The following CDH12 variants were observed in gnomAD, a reference collection of about 807,000 sequenced individuals.
CDH12 encodes the protein cadherin-12.
Under a neutral mutation model 74.1 loss-of-function variants are expected in CDH12, and 41 were observed. The observed-to-expected ratio is 0.55, with a 90% CI of 0.43 to 0.72. The LOEUF is 0.72. Among genes scored for constraint, CDH12 ranks in the 30% least tolerant of loss-of-function variants. The pLI, the probability that CDH12 is intolerant of heterozygous loss-of-function variation, is 0.00. For synonymous variants in CDH12, 399 were observed against 355.0 expected, an observed-to-expected ratio of 1.12 and a Z score of -1.39; for missense variants, 945 against 977.2, an observed-to-expected ratio of 0.97 and a Z score of 0.44.
chr5:22,780,947 A>G (rs1287995397), intron 1 of CDH12, among the ~76,000 whole-genome samples: 1 of 152,180 alleles, frequency 6.6e-6, no homozygotes, highest in African/African-American at 2.4e-5. Flanking sequence ...CTGACACAAT[A>G]GGAGTACTGG....
At chr5:21,863,371 C>T (rs542869887) in intron 6 of CDH12, among the ~76,000 whole-genome samples, 3 of 152,214 alleles carry the variant, frequency 2.0e-5, no homozygotes, top group Non-Finnish European at 4.4e-5. Context: ...TTGTTCACTC[C>T]TCTATAATCT....
At position 22,045,825 on chromosome 5, in the gene CDH12, T is replaced by G. The variant is rs75029263; in HGVS notation, c.231+32621A>C. On this transcript the variant is annotated intron_variant, in intron 5 of 14. Coordinates refer to ENST00000382254, the MANE Select transcript of CDH12 (RefSeq NM_004061.5). Reference sequence around the variant, plus strand: ...TAGGAGTGGTGGAGGACAGGTTGTTTAACAGTTACAAATTTACAGTTAAGA... The same window carrying G: ...TAGGAGTGGTGGAGGACAGGTTGTTGAACAGTTACAAATTTACAGTTAAGA... 8.1e-3 allele frequency among the ~76,000 whole-genome samples: 1,229 copies of G among 152,234 alleles called. 18 individuals carry two copies. Among genetic ancestry groups the G allele is most frequent in the African/African-American group, 0.028 (1,182 of 41,554 alleles).
intron 3 of CDH12, among the ~76,000 whole-genome samples, chr5:22,243,681 G>C (rs1752823535): frequency 6.6e-6 from 1 of 152,122 alleles, no homozygotes; most frequent in South Asian, 2.1e-4. Context: ...TTGACAAATG[G>C]TAAAGTGCAT....
At chr5:22,257,307 T>C (rs1279780020) in intron 3 of CDH12, among the ~76,000 whole-genome samples, 1 of 152,048 alleles carries the variant, frequency 6.6e-6, no homozygotes, top group East Asian at 1.9e-4. Context: ...CCTGCACTTG[T>C]ATCCCTGAAC....
chr5:22,238,998 G>C (rs1191459751), intron 3 of CDH12, among the ~76,000 whole-genome samples: 1 of 152,182 alleles, frequency 6.6e-6, no homozygotes, highest in African/African-American at 2.4e-5. Flanking sequence ...TCTTTAGAGA[G>C]TATCATTCAG....
At chr5:22,579,858 G>T (rs1561504887) in intron 1 of CDH12, among the ~76,000 whole-genome samples, 1 of 152,080 alleles carries the variant, frequency 6.6e-6, no homozygotes, top group Non-Finnish European at 1.5e-5. Flanking sequence ...CCTCAAAATA[G>T]TTTTAGCACA....
chr5:22,336,559 A>C (rs1739590695), intron 3 of CDH12, among the ~76,000 whole-genome samples: 1 of 152,218 alleles, frequency 6.6e-6, no homozygotes. Flanking sequence ...AGCTGTGATC[A>C]AAAGTGGCCA....
At chr5:21,846,411 A>T (rs541243673) in intron 7 of CDH12, among the ~76,000 whole-genome samples, 6 of 92,818 alleles carry the variant, frequency 6.5e-5, no homozygotes, top group African/African-American at 1.8e-4. Context: ...TCAGCATGGG[A>T]AAAGGAACCT....
chr5:22,357,648 A>G (rs893959020), intron 3 of CDH12, among the ~76,000 whole-genome samples: 2 of 152,166 alleles, frequency 1.3e-5, no homozygotes, highest in African/African-American at 4.8e-5. Flanking sequence ...AAAGTTCTCT[A>G]TTCCCAAGGG....
chr5:22,570,894 C>G (rs1739510281), intron 1 of CDH12, among the ~76,000 whole-genome samples: 1 of 152,194 alleles, frequency 6.6e-6, no homozygotes, highest in Non-Finnish European at 1.5e-5. Context: ...CATCAATTAT[C>G]TTGCTGTATC....
intron 1 of CDH12, among the ~76,000 whole-genome samples, chr5:22,717,093 A>C (rs1297853678): frequency 6.6e-6 from 1 of 152,126 alleles, no homozygotes; most frequent in African/African-American, 2.4e-5. Flanking sequence ...TGATAAATTT[A>C]GTGTAGCCCA....
chr5:22,441,086 C>T (rs1744605525), intron 2 of CDH12, among the ~76,000 whole-genome samples: 1 of 152,154 alleles, frequency 6.6e-6, no homozygotes, highest in Non-Finnish European at 1.5e-5. Flanking sequence ...TTTCTATATA[C>T]AGAGGGCCTA....
At chr5:22,076,395 AT>A (rs1414323272) in intron 5 of CDH12, among the ~76,000 whole-genome samples, 2 of 152,204 alleles carry the variant, frequency 1.3e-5, no homozygotes, top group African/African-American at 2.4e-5. Flanking sequence ...TGTCAGTTTT[AT>A]TTTTTTAACC....
At chr5:22,835,285 A>C (rs985183865) in intron 1 of CDH12, among the ~76,000 whole-genome samples, 1 of 152,136 alleles carries the variant, frequency 6.6e-6, no homozygotes, top group Non-Finnish European at 1.5e-5. Flanking sequence ...ATTTGCAAAA[A>C]TATTCTGGAA....
chr5:22,477,891 A>C (rs1388700238), intron 2 of CDH12, among the ~76,000 whole-genome samples: 1 of 152,212 alleles, frequency 6.6e-6, no homozygotes, highest in East Asian at 1.9e-4. Context: ...TACTCTGGTG[A>C]AGAAACTTAG....
chr5:22,482,049 T>A (rs1580693896), intron 2 of CDH12, among the ~76,000 whole-genome samples: 1 of 152,158 alleles, frequency 6.6e-6, no homozygotes, highest in East Asian at 1.9e-4. Context: ...AGAAAGAAAA[T>A]CAATGAAGTC....
At chr5:22,043,000 C>G (rs1298161138) in intron 5 of CDH12, among the ~76,000 whole-genome samples, 1 of 151,494 alleles carries the variant, frequency 6.6e-6, no homozygotes, top group African/African-American at 2.4e-5. Context: ...AAGTTTTTCA[C>G]TGGTGAAATC....
intron 6 of CDH12, among the ~76,000 whole-genome samples, chr5:21,938,413 A>G (rs1289581721): frequency 6.6e-6 from 1 of 150,994 alleles, no homozygotes; most frequent in Non-Finnish European, 1.5e-5. Flanking sequence ...ACATAACAAT[A>G]AAACCACAGC....
intron 6 of CDH12, chr5:21,882,549 G>C (rs1472485666): frequency 3.3e-6 from 4 of 1,216,226 alleles, no homozygotes; most frequent in African/African-American, 1.5e-5. Context: ...CCGACAACCT[G>C]TCTCGCCGCG....
Sources: allele counts gnomAD v4.1 joint callset (sites outside exome capture counted in the v4.1 genomes callset), GRCh38; gene constraint gnomAD v4.1.1; transcripts MANE v1.5; gene names NCBI Gene and HGNC (gene_info 2026-07-23, HGNC 2026-07-21).